The following SCAF11 variants were observed in gnomAD, a reference collection of about 807,000 sequenced individuals.
The protein encoded by SCAF11 is protein SCAF11.
Under a neutral mutation model 140.5 loss-of-function variants are expected in SCAF11, and 47 were observed. The observed-to-expected ratio is 0.33, with a 90% CI of 0.26 to 0.43. The LOEUF (loss-of-function observed/expected upper bound fraction) is 0.43, where lower values mean the gene tolerates loss of function less well. SCAF11 is among the 20% of genes least tolerant of loss of function. The pLI, the probability that SCAF11 is intolerant of heterozygous loss-of-function variation, is 1.00. For synonymous variants in SCAF11, 557 were observed against 579.4 expected (o/e 0.96, Z 0.55); for missense variants, 1,645 against 1,705.1 (o/e 0.96, Z 0.62).
chr12:45,945,240 G>A lies in SCAF11; in HGVS notation c.463+9C>T. 1 of 1,527,018 alleles carries A rather than the reference G, an allele frequency of 6.5e-7. No individual in the cohort carries two copies. Among genetic ancestry groups the A allele is most frequent in the Non-Finnish European group, 8.9e-7 (1 of 1,121,468 alleles). 94.6% of individuals were successfully genotyped at this position (1,527,018 alleles called of 1,614,324 possible). ...AAAAGGTAGAATCCACAAGCAAAAAGTAACTTACTATGTATCCACTTCAAG... is the reference window on the plus strand; with the variant it reads ...AAAAGGTAGAATCCACAAGCAAAAAATAACTTACTATGTATCCACTTCAAG... On this transcript the variant is annotated intron_variant, in intron 6 of 14. Coordinates refer to ENST00000369367, the MANE Select transcript of SCAF11 (RefSeq NM_004719.3).
intron 6 of SCAF11, among the ~76,000 whole-genome samples, chr12:45,937,951 C>T (rs1415726961): frequency 2.6e-5 from 4 of 152,162 alleles, no homozygotes; most frequent in Non-Finnish European, 5.9e-5. Context: ...TCCAAAACCA[C>T]CCCATATCTC....
At position 45,919,994 on chromosome 12, in the gene SCAF11, C is replaced by T. The variant is rs939023944; in HGVS notation, c.*2054G>A. 1 of 152,178 alleles carries T rather than the reference C, an allele frequency of 6.6e-6. No homozygotes were observed. Among genetic ancestry groups the T allele is most frequent in the African/African-American group, 2.4e-5 (1 of 41,456 alleles). 9.4% of individuals were successfully genotyped at this position (152,178 alleles called of 1,614,324 possible). Reference sequence around the variant, plus strand: ...ACTTTCAATGTTCACAAAATTGTTTCTAGAGTTCTAATCTAAAACAACTAA... The same window carrying T: ...ACTTTCAATGTTCACAAAATTGTTTTTAGAGTTCTAATCTAAAACAACTAA... On this transcript the variant is annotated 3_prime_UTR_variant, in exon 15 of 15. Transcript: ENST00000369367.
chr12:45,924,852 A>G lies in SCAF11; in HGVS notation c.3782T>C (p.Val1261Ala), dbSNP rs752632850. 5.0e-6 allele frequency: 8 copies of G among 1,613,958 alleles called. 1 individual carries two copies. The South Asian group carries it at 8.8e-5, about 18-fold the overall frequency. Residue 1261 changes from valine to alanine, a missense_variant, in exon 12 of 15, where the codon GTG becomes GCG. This residue lies in a region of SCAF11 where 1,582 missense variants were observed against 1,609.2 expected (regional missense o/e 0.98). Transcript: ENST00000369367. ...PQLPLHLHTG[V>A]PLMQVATPTS... ...AGGAGTGGCTACCTGCATGAGGGGC[A>G]CTCCTGTGTGGAGATGCAAGGGTAG... is the stretch of plus-strand genomic sequence containing the variant.
rs576565857 is a variant in SCAF11, at chr12:45,921,825, T to A, written c.*223A>T. On this transcript the variant is annotated 3_prime_UTR_variant, in exon 15 of 15. Transcript: ENST00000369367. ...ATGCACATTCCTTTAAACCCTTTAC[T>A]TTCCCTTGAATTTTGTGGGGGAGGG... is the stretch of plus-strand genomic sequence containing the variant. The A allele has an allele frequency of 3.2e-5, 16 of 507,686 alleles. No homozygotes were observed. In the East Asian group the frequency reaches 5.0e-4, roughly 16 times the overall value. 31.4% of individuals were successfully genotyped at this position (507,686 alleles called of 1,614,324 possible). A position where few individuals can be genotyped will look rare whatever the true frequency, so the allele number is the denominator to read the frequency against.
chr12:45,954,847 A>T (rs1945645967), intron 3 of SCAF11: 1 of 150,514 alleles, frequency 6.6e-6, no homozygotes, highest in Admixed American at 6.6e-5. Flanking sequence ...CAGCCTCCCA[A>T]AGTGTTGGGA....
At chr12:45,948,607 G>T in intron 4 of SCAF11, 70 bp from the exon 5 acceptor site, 1 of 941,246 alleles carries the variant, frequency 1.1e-6, no homozygotes, top group Non-Finnish European at 1.6e-6. Flanking sequence ...ATTCTTCCTT[G>T]AAATGATTAA....
intron 1 of SCAF11, among the ~76,000 whole-genome samples, chr12:45,987,974 TAAA>T: frequency 6.6e-6 from 1 of 152,174 alleles, no homozygotes; most frequent in Non-Finnish European, 1.5e-5. Context: ...AGACACAACT[TAAA>T]AAAATACAAT....
chr12:45,987,801 A>G (rs913375997), intron 1 of SCAF11, among the ~76,000 whole-genome samples: 1 of 152,236 alleles, frequency 6.6e-6, no homozygotes, highest in African/African-American at 2.4e-5. Flanking sequence ...CTGACATTTT[A>G]TCAGGATCAC....
At chr12:45,982,164 C>A (rs1946364194) in intron 1 of SCAF11, among the ~76,000 whole-genome samples, 1 of 152,132 alleles carries the variant, frequency 6.6e-6, no homozygotes, top group South Asian at 2.1e-4. Context: ...ATCCATCTCC[C>A]TCATATTACT....
intron 3 of SCAF11, among the ~76,000 whole-genome samples, chr12:45,954,568 A>ACT (rs1253551431): frequency 1.4e-5 from 2 of 138,770 alleles, no homozygotes; most frequent in Non-Finnish European, 3.1e-5. Context: ...CTAAGCTGTT[A>ACT]CTTTTTTTTT....
At chr12:45,941,248 T>G (rs547980984) in intron 6 of SCAF11, among the ~76,000 whole-genome samples, 2 of 152,286 alleles carry the variant, frequency 1.3e-5, no homozygotes, top group South Asian at 4.2e-4. Flanking sequence ...GACACCTTAC[T>G]TATCGAAAAA....
intron 3 of SCAF11, among the ~76,000 whole-genome samples, chr12:45,956,469 T>C (rs769233442): frequency 2.0e-5 from 3 of 152,202 alleles, no homozygotes; most frequent in African/African-American, 2.4e-5. Flanking sequence ...TCCAAATTAA[T>C]TGTTCACCTG....
chr12:45,936,140 T>C (rs755457299), intron 6 of SCAF11, among the ~76,000 whole-genome samples: 24 of 151,550 alleles, frequency 1.6e-4, no homozygotes, highest in Non-Finnish European at 2.5e-4. Flanking sequence ...TATGTGTGGT[T>C]TTTTTTGTTT....
chr12:45,981,256 T>C (rs1946343456), intron 1 of SCAF11, among the ~76,000 whole-genome samples: 1 of 152,154 alleles, frequency 6.6e-6, no homozygotes, highest in African/African-American at 2.4e-5. Flanking sequence ...CATAAAAGTA[T>C]ATCAGTAAGA....
chr12:45,961,255 C>G lies in SCAF11; in HGVS notation c.219+445G>C, dbSNP rs192666476. 4.0e-4 allele frequency: 284 copies of G among 707,572 alleles called. No individual in the cohort carries two copies. In the African/African-American group the frequency reaches 4.4e-3, roughly 11 times the overall value. The allele number at this position is 707,572 out of a possible 1,614,324, so 43.8% of individuals were successfully genotyped here. Reference sequence around the variant, plus strand: ...CATCTGTAAAATGGAAGGACACTATCGTATCTGCTCTGGTTATTCCACAAG... The same window carrying G: ...CATCTGTAAAATGGAAGGACACTATGGTATCTGCTCTGGTTATTCCACAAG... On this transcript the variant is annotated intron_variant, in intron 3 of 14. Transcript: ENST00000369367.
At chr12:45,947,720 A>T (rs1342905716) in intron 5 of SCAF11, among the ~76,000 whole-genome samples, 1 of 152,200 alleles carries the variant, frequency 6.6e-6, no homozygotes, top group African/African-American at 2.4e-5. Flanking sequence ...TCTGTTGCTC[A>T]GGCTGGAATG....
At chr12:45,941,055 G>T (rs1052076699) in intron 6 of SCAF11, among the ~76,000 whole-genome samples, 2 of 152,062 alleles carry the variant, frequency 1.3e-5, no homozygotes, top group African/African-American at 4.8e-5. Context: ...CATTCTGCCT[G>T]AACTCAAGAG....
chr12:45,982,640 G>C (rs1051759504), intron 1 of SCAF11, among the ~76,000 whole-genome samples: 3 of 152,198 alleles, frequency 2.0e-5, no homozygotes, highest in African/African-American at 7.2e-5. Flanking sequence ...GGGAAGCAAA[G>C]GTTACAGTGA....
chr12:45,919,636 G>A lies in SCAF11; in HGVS notation c.*2412C>T, dbSNP rs1372357328. The A allele has an allele frequency of 2.0e-5, 3 of 152,166 alleles. No homozygotes were observed. Among genetic ancestry groups the A allele is most frequent in the Non-Finnish European group, 1.5e-5 (1 of 68,018 alleles). 9.4% of individuals were successfully genotyped at this position (152,166 alleles called of 1,614,324 possible). ...AATGTATTTTTTCAACATAAAGCATGCATTTTCTAATACATTCTTAAACAT... is the reference window on the plus strand; with the variant it reads ...AATGTATTTTTTCAACATAAAGCATACATTTTCTAATACATTCTTAAACAT... On this transcript the variant is annotated 3_prime_UTR_variant, in exon 15 of 15. Coordinates refer to ENST00000369367, the MANE Select transcript of SCAF11 (RefSeq NM_004719.3).
Sources: gnomAD v4.1 joint callset for allele counts (sites outside exome capture counted in the v4.1 genomes callset) on GRCh38, gnomAD v4.1.1 for gene constraint, gnomAD v4.1.1 regional missense constraint, MANE v1.5 for transcripts, NCBI Gene and HGNC (gene_info 2026-07-23, HGNC 2026-07-21) for gene names.